PTPN1: variants seen among roughly 807,000 people sequenced by gnomAD.
The protein encoded by PTPN1 is protein tyrosine phosphatase non-receptor type 1.
A neutral mutation model predicts 59.9 loss-of-function variants in PTPN1; 12 were observed. The ratio of observed to expected loss-of-function variants is 0.20; its 90% CI spans 0.13 to 0.32. The LOEUF (loss-of-function observed/expected upper bound fraction) is 0.32. PTPN1 is among the 10% of genes least tolerant of loss of function. The pLI is 1.00. For missense variants in PTPN1, 356 were observed against 549.2 expected, an observed-to-expected ratio of 0.65 and a Z score of 3.52; for synonymous variants, 178 against 203.6, an observed-to-expected ratio of 0.87 and a Z score of 1.07.
chr20:50,559,611 A>AT (rs1464911577), intron 1 of PTPN1, among the ~76,000 whole-genome samples: 2 of 144,700 alleles, frequency 1.4e-5, no homozygotes, highest in East Asian at 2.1e-4. Flanking sequence ...CTTTCCTTGT[A>AT]TTTTTTTGTT....
chr20:50,572,340 G>A (rs945722808), intron 4 of PTPN1: 14 of 152,098 alleles, frequency 9.2e-5, no homozygotes, highest in Non-Finnish European at 1.5e-5. Context: ...TAAAAATTTT[G>A]TGTGTTTAAA....
intron 4 of PTPN1, among the ~76,000 whole-genome samples, chr20:50,569,243 G>A (rs916526349): frequency 6.6e-5 from 10 of 152,302 alleles, no homozygotes; most frequent in Middle Eastern, 3.4e-3. Flanking sequence ...TGTGGCTTAC[G>A]GAACCCTGCA....
At chr20:50,555,352 A>G (rs1357416922) in intron 1 of PTPN1, among the ~76,000 whole-genome samples, 3 of 152,222 alleles carry the variant, frequency 2.0e-5, no homozygotes, top group African/African-American at 7.2e-5. Context: ...AACAATACAA[A>G]GCAGACTGTG....
intron 1 of PTPN1, among the ~76,000 whole-genome samples, chr20:50,534,817 C>T (rs1283622858): frequency 6.6e-6 from 1 of 152,138 alleles, no homozygotes; most frequent in African/African-American, 2.4e-5. Context: ...CCTCAAATTC[C>T]TGGGCTCAAA....
chr20:50,545,214 C>A (rs928674062), intron 1 of PTPN1, among the ~76,000 whole-genome samples: 3 of 152,140 alleles, frequency 2.0e-5, no homozygotes, highest in African/African-American at 4.8e-5. Flanking sequence ...CGTCAGCCCC[C>A]CAAAGTGTTG....
chr20:50,579,954 G>A (rs1346972891), intron 8 of PTPN1, 28 bp downstream of exon 8: 1 of 1,593,276 alleles, frequency 6.3e-7, no homozygotes, highest in Non-Finnish European at 8.6e-7. Context: ...CAGCTTGTTG[G>A]GGTGAGGGGA....
chr20:50,525,814 A>G (rs935548040), intron 1 of PTPN1, among the ~76,000 whole-genome samples: 1 of 152,034 alleles, frequency 6.6e-6, no homozygotes, highest in South Asian at 2.1e-4. Context: ...AGTGGATACC[A>G]TGGAACATGT....
chr20:50,536,678 C>A (rs1284763542), intron 1 of PTPN1, among the ~76,000 whole-genome samples: 32 of 152,176 alleles, frequency 2.1e-4, no homozygotes, highest in Non-Finnish European at 2.1e-4. Flanking sequence ...AGGCCCTCCC[C>A]TTTGTTTACC....
chr20:50,581,166 G>A (rs2082866409), intron 8 of PTPN1, 99 bp from the exon 9 acceptor site: 35 of 1,484,174 alleles, frequency 2.4e-5, no homozygotes, highest in Non-Finnish European at 3.0e-5. Context: ...CTGTCTACAC[G>A]TGGCTTGTTT....
At chr20:50,531,776 T>G (rs2082602262) in intron 1 of PTPN1, among the ~76,000 whole-genome samples, 2 of 152,148 alleles carry the variant, frequency 1.3e-5, no homozygotes, top group Non-Finnish European at 2.9e-5. Flanking sequence ...CCCCGGTCGC[T>G]CTCTGTGTGT....
chr20:50,568,331 A>T lies in PTPN1; in HGVS notation c.256-49A>T, dbSNP rs1418320125. On this transcript the variant is annotated intron_variant, in intron 3 of 9. Transcript: ENST00000371621. The surrounding 1 kb of genome is among the most constrained non-coding windows in gnomAD (Gnocchi z 5.6). ...ACTGCAGAAGGTGAGCACACGCTGTAGCATGTTATGTTTCAGATGTCACAT... is the reference window on the plus strand; with the variant it reads ...ACTGCAGAAGGTGAGCACACGCTGTTGCATGTTATGTTTCAGATGTCACAT... 3 of 1,523,210 alleles carry T rather than the reference A, an allele frequency of 2.0e-6. No individual in the cohort carries two copies. In the African/African-American group the frequency reaches 4.1e-5, roughly 21 times the overall value. The allele number at this position is 1,523,210 out of a possible 1,614,324, so 94.4% of individuals were successfully genotyped here.
At chr20:50,518,159 A>T (rs552306708) in intron 1 of PTPN1, among the ~76,000 whole-genome samples, 42 of 152,354 alleles carry the variant, frequency 2.8e-4, no homozygotes, top group Non-Finnish European at 4.9e-4. Context: ...CTTACTTAAA[A>T]GTCACTACGT....
intron 1 of PTPN1, among the ~76,000 whole-genome samples, chr20:50,521,053 G>A (rs984482577): frequency 6.6e-6 from 1 of 152,078 alleles, no homozygotes; most frequent in African/African-American, 2.4e-5. Flanking sequence ...TAATCTAAAA[G>A]TGGGACAGAA....
At chr20:50,556,515 T>C (rs2122770820) in intron 1 of PTPN1, among the ~76,000 whole-genome samples, 1 of 152,314 alleles carries the variant, frequency 6.6e-6, no homozygotes, top group Non-Finnish European at 1.5e-5. Flanking sequence ...AGTTGTTCTC[T>C]AGTATGAGTC....
chr20:50,550,862 G>A (rs1037494746), intron 1 of PTPN1, among the ~76,000 whole-genome samples: 14 of 152,300 alleles, frequency 9.2e-5, no homozygotes, highest in African/African-American at 3.4e-4. Flanking sequence ...CATGGAGCCC[G>A]TAAGAGACAT....
At chr20:50,514,740 T>C (rs1344243346) in intron 1 of PTPN1, among the ~76,000 whole-genome samples, 1 of 152,238 alleles carries the variant, frequency 6.6e-6, no homozygotes, top group Admixed American at 6.5e-5. Flanking sequence ...TTGTTTCTGG[T>C]AACAACTAAT....
intron 1 of PTPN1, among the ~76,000 whole-genome samples, chr20:50,529,560 A>T (rs967560881): frequency 6.6e-6 from 1 of 152,234 alleles, no homozygotes; most frequent in Non-Finnish European, 1.5e-5. Flanking sequence ...TTCTGAGCAG[A>T]TGACACTTTT....
At chr20:50,553,985 TAAAC>T (rs2082714924) in intron 1 of PTPN1, among the ~76,000 whole-genome samples, 1 of 152,252 alleles carries the variant, frequency 6.6e-6, no homozygotes, top group East Asian at 1.9e-4. Context: ...GGAACAATAT[TAAAC>T]AAGTCTGCCC....
chr20:50,512,244 T>C (rs1029380224), intron 1 of PTPN1, among the ~76,000 whole-genome samples: 2 of 152,224 alleles, frequency 1.3e-5, no homozygotes, highest in Non-Finnish European at 2.9e-5. Flanking sequence ...CTAAAATGTC[T>C]TTAAATGAAA....
Sources: allele counts gnomAD v4.1 joint callset (sites outside exome capture counted in the v4.1 genomes callset), GRCh38; gene constraint gnomAD v4.1.1; non-coding constraint Gnocchi (gnomAD v3.1); transcripts MANE v1.5; gene names NCBI Gene and HGNC (gene_info 2026-07-23, HGNC 2026-07-21).